ATP8A2: variants seen among roughly 807,000 people sequenced by gnomAD.
The protein encoded by ATP8A2 is ATPase phospholipid transporting 8A2.
A neutral mutation model predicts 165.6 loss-of-function variants in ATP8A2; 100 were observed. The ratio of observed to expected loss-of-function variants is 0.60; its 90% CI spans 0.51 to 0.71. ATP8A2 has a LOEUF of 0.71. ATP8A2 is among the 30% of genes least tolerant of loss of function. The pLI is 0.00. For synonymous variants in ATP8A2, 543 were observed against 548.8 expected (o/e 0.99, Z 0.15); for missense variants, 1,227 against 1,479.5 (o/e 0.83, Z 2.80).
intron 24 of ATP8A2, among the ~76,000 whole-genome samples, chr13:25,665,225 C>A (rs2042127047): frequency 2.0e-5 from 3 of 152,162 alleles, no homozygotes; most frequent in Admixed American, 2.0e-4. Context: ...GGTTAGTAAC[C>A]AGTTGATAGG....
At chr13:25,972,937 AG>A (rs1566316118) in intron 35 of ATP8A2, among the ~76,000 whole-genome samples, 2 of 152,166 alleles carry the variant, frequency 1.3e-5, no homozygotes, top group Admixed American at 6.5e-5. Flanking sequence ...AAGAAAAAAA[AG>A]GGGGAATATA....
chr13:25,375,347 C>T (rs1026875290), intron 1 of ATP8A2, among the ~76,000 whole-genome samples: 7 of 152,170 alleles, frequency 4.6e-5, no homozygotes, highest in African/African-American at 9.7e-5. Flanking sequence ...TCTCTTCTCT[C>T]ACCTTGACCC....
chr13:25,741,163 C>A (rs2043902723), intron 25 of ATP8A2, among the ~76,000 whole-genome samples: 1 of 152,122 alleles, frequency 6.6e-6, no homozygotes, highest in African/African-American at 2.4e-5. Flanking sequence ...ATTTAAAAAT[C>A]ATCACCAATT....
intron 24 of ATP8A2, among the ~76,000 whole-genome samples, chr13:25,690,061 ATAAAT>A: frequency 6.6e-6 from 1 of 152,290 alleles, no homozygotes. Flanking sequence ...TGGGGGAAAA[ATAAAT>A]TAAGCATATT....
intron 2 of ATP8A2, among the ~76,000 whole-genome samples, chr13:25,520,598 T>G (rs374265592): frequency 1.4e-5 from 2 of 146,560 alleles, no homozygotes; most frequent in Non-Finnish European, 3.0e-5. Context: ...TTAGTTTTTT[T>G]TTTTTTTGTT....
intron 35 of ATP8A2, among the ~76,000 whole-genome samples, chr13:25,970,926 G>A (rs988080173): frequency 6.6e-6 from 1 of 152,072 alleles, no homozygotes; most frequent in African/African-American, 2.4e-5. Context: ...GCTTAAATGC[G>A]GTTTCCTACC....
At position 25,620,718 on chromosome 13, in the gene ATP8A2, A is replaced by T. The variant is rs79538597; in HGVS notation, c.2211+31019A>T. Among the ~76,000 whole-genome samples, 179 of 152,348 alleles carry T rather than the reference A, an allele frequency of 1.2e-3. 2 individuals are homozygous for T. Among genetic ancestry groups the T allele is most frequent in the African/African-American group, 3.9e-3 (161 of 41,578 alleles). ...AAATAATTTTCAAGCACAGTTTTAC[A>T]GTTGATAGAAATATGAAATTAAGAC... On this transcript the variant is annotated intron_variant, in intron 24 of 36. Coordinates refer to ENST00000381655, the MANE Select transcript of ATP8A2 (RefSeq NM_016529.6).
chr13:25,397,539 T>TCCATCTTGCAAATGGGC, intron 1 of ATP8A2, among the ~76,000 whole-genome samples: 1 of 152,218 alleles, frequency 6.6e-6, no homozygotes, highest in South Asian at 2.1e-4. Flanking sequence ...GCAATATGGG[T>TCCATCTTGCAAATGGGC]CCATTTCTGG....
At chr13:25,984,880 G>T (rs574439075) in intron 35 of ATP8A2, among the ~76,000 whole-genome samples, 1 of 152,296 alleles carries the variant, frequency 6.6e-6, no homozygotes, top group African/African-American at 2.4e-5. Context: ...CTCATGCAGG[G>T]CTGTGTTAGG....
At chr13:25,981,971 T>C (rs1371581199) in intron 35 of ATP8A2, among the ~76,000 whole-genome samples, 1 of 152,224 alleles carries the variant, frequency 6.6e-6, no homozygotes, top group East Asian at 1.9e-4. Context: ...TAAATACAAC[T>C]TTTCATTACT....
At position 25,919,512 on chromosome 13, in the gene ATP8A2, G is replaced by A. The variant is rs1014449629; in HGVS notation, c.3184-42063G>A. Among the ~76,000 whole-genome samples, 9 of 152,088 alleles carry A rather than the reference G, an allele frequency of 5.9e-5. No homozygotes were observed. The East Asian group carries it at 9.6e-4, about 16-fold the overall frequency. On this transcript the variant is annotated intron_variant, in intron 33 of 36. Coordinates refer to ENST00000381655, the MANE Select transcript of ATP8A2 (RefSeq NM_016529.6). ...GCTCTGAGTTTGTAGAAGGTGCTGCGAGGTGGGCTGCGGGAGCCTCAGGAT... is the reference window on the plus strand; with the variant it reads ...GCTCTGAGTTTGTAGAAGGTGCTGCAAGGTGGGCTGCGGGAGCCTCAGGAT...
chr13:25,586,036 A>G (rs999030222), intron 23 of ATP8A2, among the ~76,000 whole-genome samples: 57 of 152,212 alleles, frequency 3.7e-4, no homozygotes, highest in African/African-American at 1.2e-3. Flanking sequence ...AATGTTATCT[A>G]TTATGTGCCC....
At chr13:25,667,816 T>A (rs1164642593) in intron 24 of ATP8A2, among the ~76,000 whole-genome samples, 1 of 152,116 alleles carries the variant, frequency 6.6e-6, no homozygotes, top group Non-Finnish European at 1.5e-5. Context: ...TTTTCACTGC[T>A]TTTTCTGTAT....
At chr13:25,871,909 C>G (rs1380139713) in intron 33 of ATP8A2, among the ~76,000 whole-genome samples, 1 of 152,164 alleles carries the variant, frequency 6.6e-6, no homozygotes, top group Non-Finnish European at 1.5e-5. Flanking sequence ...GAAAGACAGG[C>G]ATATTTAAAT....
chr13:25,988,917 G>A (rs1220432995), intron 35 of ATP8A2, among the ~76,000 whole-genome samples: 2 of 152,172 alleles, frequency 1.3e-5, no homozygotes, highest in African/African-American at 4.8e-5. Flanking sequence ...TGGGCAGTGT[G>A]TTTTCCCAGA....
chr13:25,782,161 C>T (rs917300081), intron 27 of ATP8A2, among the ~76,000 whole-genome samples: 6 of 152,184 alleles, frequency 3.9e-5, no homozygotes, highest in East Asian at 1.9e-4. Context: ...TTTCATTACA[C>T]GGTAAAAGAT....
chr13:25,693,445 G>A (rs2042770672), intron 24 of ATP8A2, among the ~76,000 whole-genome samples: 1 of 152,142 alleles, frequency 6.6e-6, no homozygotes, highest in African/African-American at 2.4e-5. Flanking sequence ...CAAGGGTGGC[G>A]TTAGAAGGAT....
intron 33 of ATP8A2, among the ~76,000 whole-genome samples, chr13:25,901,150 G>A (rs182454195): frequency 4.6e-5 from 7 of 152,338 alleles, no homozygotes; most frequent in Non-Finnish European, 8.8e-5. Flanking sequence ...GCTAAGGGAG[G>A]CCTAAAATGC....
At chr13:25,835,999 A>T (rs1951593497) in intron 28 of ATP8A2, among the ~76,000 whole-genome samples, 1 of 152,226 alleles carries the variant, frequency 6.6e-6, no homozygotes, top group South Asian at 2.1e-4. Context: ...GGCCAGCTTT[A>T]TAGGCAGAAA....
Sources: gnomAD v4.1 joint callset for allele counts (sites outside exome capture counted in the v4.1 genomes callset) on GRCh38, gnomAD v4.1.1 for gene constraint, MANE v1.5 for transcripts, NCBI Gene and HGNC (gene_info 2026-07-23, HGNC 2026-07-21) for gene names.